Variants in ALK observed in about 807,000 individuals in gnomAD.
The protein encoded by ALK is ALK tyrosine kinase receptor.
In ALK, 74 loss-of-function variants were observed where a neutral mutation model predicts 163.1. That is an observed-to-expected ratio of 0.45 (90% confidence interval 0.38 to 0.55). ALK has a LOEUF of 0.55. ALK is among the 20% of genes least tolerant of loss of function. ALK has a pLI of 0.00. For missense variants in ALK, 2,063 were observed against 2,105.3 expected, an observed-to-expected ratio of 0.98 and a Z score of 0.39; for synonymous variants, 960 against 843.2, an observed-to-expected ratio of 1.14 and a Z score of -2.40.
intron 1 of ALK, among the ~76,000 whole-genome samples, chr2:29,764,035 C>T (rs531689911): frequency 2.0e-5 from 3 of 152,184 alleles, no homozygotes; most frequent in African/African-American, 4.8e-5. Flanking sequence ...GACAAACCCT[C>T]AGAGACATCC....
rs765142687 is a variant in ALK, at chr2:29,540,687, A to G, written c.953-8571T>C. ...TTTGAGTTTTTATTATTTTCTCACA[A>G]TGTAGACTGAATCCTGACTTCTTTC... On this transcript the variant is annotated intron_variant, in intron 3 of 28. Coordinates refer to ENST00000389048, the MANE Select transcript of ALK (RefSeq NM_004304.5). Among the ~76,000 whole-genome samples, 124 of 151,762 alleles carry G rather than the reference A, an allele frequency of 8.2e-4. 1 individual carries two copies. The highest frequency in any genetic ancestry group is 2.1e-4 in the Non-Finnish European group (14 of 67,944).
chr2:29,287,653 G>A (rs1446638358), intron 9 of ALK, among the ~76,000 whole-genome samples: 1 of 152,082 alleles, frequency 6.6e-6, no homozygotes, highest in Non-Finnish European at 1.5e-5. Flanking sequence ...GGCAAAGGAG[G>A]CAATGTGAGC....
intron 4 of ALK, among the ~76,000 whole-genome samples, chr2:29,480,077 A>C (rs1341751885): frequency 6.6e-6 from 1 of 152,258 alleles, no homozygotes; most frequent in Non-Finnish European, 1.5e-5. Context: ...CAGCACAGAA[A>C]AATCCCCAAA....
intron 3 of ALK, among the ~76,000 whole-genome samples, chr2:29,560,677 T>A (rs991081018): frequency 6.6e-6 from 1 of 152,022 alleles, no homozygotes; most frequent in African/African-American, 2.4e-5. Context: ...ATTCAAACTA[T>A]CCTCCCACCT....
intron 3 of ALK, among the ~76,000 whole-genome samples, chr2:29,552,311 T>G (rs1673734014): frequency 6.6e-6 from 1 of 152,188 alleles, no homozygotes; most frequent in African/African-American, 2.4e-5. Context: ...GCCATGAATG[T>G]TGGTGTACAA....
intron 2 of ALK, among the ~76,000 whole-genome samples, chr2:29,710,970 C>G (rs61058904): frequency 0.11 from 17,173 of 152,220 alleles, 2,190 homozygotes; most frequent in African/African-American, 0.32. Flanking sequence ...CCTCCTCCCT[C>G]TAGATGTCTT....
At chr2:29,591,713 C>T (rs1675064867) in intron 3 of ALK, among the ~76,000 whole-genome samples, 1 of 151,856 alleles carries the variant, frequency 6.6e-6, no homozygotes, top group South Asian at 2.1e-4. Context: ...AGAGAGGGGG[C>T]CTGGTAAGAC....
At chr2:29,611,867 G>A (rs1475398731) in intron 3 of ALK, among the ~76,000 whole-genome samples, 40 of 152,214 alleles carry the variant, frequency 2.6e-4, no homozygotes, top group Non-Finnish European at 4.4e-5. Flanking sequence ...TGTGAAGCCT[G>A]CAGAGCTGTG....
chr2:29,717,842 G>T, intron 1 of ALK, 145 bp from the exon 2 acceptor site: 1 of 996,840 alleles, frequency 1.0e-6, no homozygotes, highest in Non-Finnish European at 1.6e-6. Flanking sequence ...TGAGCCACCA[G>T]TAGACTGAGT....
intron 1 of ALK, among the ~76,000 whole-genome samples, chr2:29,836,289 C>G (rs1203494167): frequency 6.6e-6 from 1 of 152,080 alleles, no homozygotes; most frequent in Non-Finnish European, 1.5e-5. Flanking sequence ...AATATACAAA[C>G]CTCAAAAATT....
chr2:29,876,711 G>GTGGTGA (rs1558529533), intron 1 of ALK, among the ~76,000 whole-genome samples: 11 of 150,612 alleles, frequency 7.3e-5, no homozygotes, highest in Admixed American at 2.0e-4. Flanking sequence ...GATGGTGATG[G>GTGGTGA]TGGTGATGGT....
intron 4 of ALK, among the ~76,000 whole-genome samples, chr2:29,512,810 C>G (rs1297678120): frequency 6.6e-6 from 1 of 150,420 alleles, no homozygotes; most frequent in Non-Finnish European, 1.5e-5. Context: ...TCTCAGGATA[C>G]AAAATCAATG....
chr2:29,594,897 GGGGT>G lies in ALK; in HGVS notation c.953-62785_953-62782del, dbSNP rs1460822452. ...CCTCTATTTTTCTAAACAAAAATGG[GGGGT>G]GGGGGGCGGGGGGCAAAGAAGGTTG... On this transcript the variant is annotated intron_variant, in intron 3 of 28. Coordinates refer to ENST00000389048, the MANE Select transcript of ALK (RefSeq NM_004304.5). Among the ~76,000 whole-genome samples, 80 of 91,348 alleles carry G rather than the reference GGGGT, an allele frequency of 8.8e-4. 3 individuals are homozygous for G. The highest frequency in any genetic ancestry group is 3.3e-3 in the African/African-American group (77 of 23,222). The allele number at this position is 91,348 out of a possible 152,430, so 59.9% of individuals were successfully genotyped here. A position where few individuals can be genotyped will look rare whatever the true frequency, so the allele number is the denominator to read the frequency against.
intron 2 of ALK, among the ~76,000 whole-genome samples, chr2:29,701,571 T>C (rs1678737071): frequency 1.3e-5 from 2 of 152,208 alleles, no homozygotes; most frequent in Admixed American, 1.3e-4. Context: ...ATTTTGTCTC[T>C]TATTATGAAG....
intron 1 of ALK, among the ~76,000 whole-genome samples, chr2:29,872,523 C>T (rs1666604562): frequency 6.6e-6 from 1 of 152,214 alleles, no homozygotes; most frequent in Non-Finnish European, 1.5e-5. Flanking sequence ...TGGGGAAAAT[C>T]ACCTGGCAGG....
At chr2:29,276,362 CT>C (rs1665547229) in intron 9 of ALK, among the ~76,000 whole-genome samples, 1 of 152,192 alleles carries the variant, frequency 6.6e-6, no homozygotes, top group African/African-American at 2.4e-5. Flanking sequence ...CAGGGAAGGC[CT>C]TACAGTGACA....
chr2:29,378,808 C>T (rs545871106), intron 5 of ALK, among the ~76,000 whole-genome samples: 336 of 152,114 alleles, frequency 2.2e-3, no homozygotes, highest in African/African-American at 7.6e-3. Context: ...CTCTGCCTCC[C>T]GGGTTCAAGC....
chr2:29,853,655 A>C (rs72856224), intron 1 of ALK, among the ~76,000 whole-genome samples: 1 of 152,074 alleles, frequency 6.6e-6, no homozygotes, highest in East Asian at 1.9e-4. Flanking sequence ...CCATCTGCCA[A>C]CTCAAACCTC....
At position 29,513,314 on chromosome 2, in the gene ALK, G is replaced by C. The variant is rs539801050; in HGVS notation, c.1154+18601C>G. ...ACCAAAACAGAGATATAGATCAATG[G>C]AACAGAACAGAGCCCTCAGAAATAA... On this transcript the variant is annotated intron_variant, in intron 4 of 28. Coordinates refer to ENST00000389048, the MANE Select transcript of ALK (RefSeq NM_004304.5). Among the ~76,000 whole-genome samples, 299 of 139,826 alleles carry C rather than the reference G, an allele frequency of 2.1e-3. 7 individuals carry two copies. The highest frequency in any genetic ancestry group is 7.5e-3 in the African/African-American group (272 of 36,102). 91.7% of individuals were successfully genotyped at this position (139,826 alleles called of 152,430 possible). A position where few individuals can be genotyped will look rare whatever the true frequency, so the allele number is the denominator to read the frequency against.
Sources: allele counts gnomAD v4.1 joint callset (sites outside exome capture counted in the v4.1 genomes callset), GRCh38; gene constraint gnomAD v4.1.1; transcripts MANE v1.5; gene names NCBI Gene and HGNC (gene_info 2026-07-23, HGNC 2026-07-21).